BRD4: variants seen among roughly 807,000 people sequenced by gnomAD.
BRD4 encodes bromodomain-containing protein 4.
A neutral mutation model predicts 142.1 loss-of-function variants in BRD4; 16 were observed. The ratio of observed to expected loss-of-function variants is 0.11; its 90% confidence interval spans 0.08 to 0.17. The LOEUF (loss-of-function observed/expected upper bound fraction) is 0.17. Ranked by LOEUF, BRD4 falls within the 10% of genes least tolerant of loss-of-function variation. The pLI is 1.00. For missense variants in BRD4, 1,424 were observed against 1,810.9 expected, an observed-to-expected ratio of 0.79 and a Z score of 3.88; for synonymous variants, 833 against 707.5, an observed-to-expected ratio of 1.18 and a Z score of -2.82.
chr19:15,253,495 A>G, intron 11 of BRD4: 1 of 1,459,848 alleles, frequency 6.9e-7, no homozygotes, highest in Non-Finnish European at 9.3e-7. Context: ...AAAAGAAGGG[A>G]CTGTTAGTTA....
intron 2 of BRD4, among the ~76,000 whole-genome samples, chr19:15,271,917 AGTGGCTCTGGTGTGC>A (rs2047591790): frequency 6.7e-6 from 1 of 149,974 alleles, no homozygotes; most frequent in African/African-American, 2.5e-5. Flanking sequence ...CCTACACACC[AGTGGCTCTGGTGTGC>A]ACACACCAGT....
rs902734020 is a variant in BRD4 at position 15,328,179 on chromosome 19, TCTTTC to T, written c.-35+4106_-35+4110del. ...AAGTCATTATACAAATATCTTTCAG[TCTTTC>T]CTTGTACATAGTAAGGGCTCAAGGA... On this transcript the variant is annotated intron_variant, in intron 1 of 19. Coordinates refer to ENST00000679869, the MANE Select transcript of BRD4 (RefSeq NM_001379291.1). Among the ~76,000 whole-genome samples, 263 of 152,270 alleles carry T rather than the reference TCTTTC, an allele frequency of 1.7e-3. 1 individual carries two copies. Among genetic ancestry groups the T allele is most frequent in the African/African-American group, 5.7e-3 (235 of 41,562 alleles).
At chr19:15,294,047 T>C (rs571981507) in intron 1 of BRD4, among the ~76,000 whole-genome samples, 1 of 152,376 alleles carries the variant, frequency 6.6e-6, no homozygotes, top group South Asian at 2.1e-4. Flanking sequence ...AAGTGTCTTT[T>C]TGTAGGCTAA....
intron 6 of BRD4, 45 bp downstream of exon 6, chr19:15,264,359 A>T: frequency 6.4e-7 from 1 of 1,551,676 alleles, no homozygotes; most frequent in Non-Finnish European, 8.7e-7. Flanking sequence ...ATGTGGAGGG[A>T]CAGCCTGCCC....
chr19:15,273,234 C>A, intron 1 of BRD4, 101 bp from the exon 2 acceptor site: 1 of 1,271,616 alleles, frequency 7.9e-7, no homozygotes, highest in East Asian at 2.4e-5. Flanking sequence ...GACTGAGTTC[C>A]CTGGCGGTAG....
At chr19:15,241,702 C>G (rs982197192) in intron 14 of BRD4, among the ~76,000 whole-genome samples, 6 of 152,076 alleles carry the variant, frequency 3.9e-5, no homozygotes, top group Non-Finnish European at 7.3e-5. Flanking sequence ...CGCATGAGAA[C>G]AGGCACAGCC....
rs142286071 is a variant in BRD4, at chr19:15,266,349, G to C, written c.560-706C>G. On this transcript the variant is annotated intron_variant, in intron 4 of 19. Transcript: ENST00000679869. The stretch of plus-strand genomic sequence containing the variant: ...CCATGAAAATGGACAAAGACACCCA[G>C]TGCCTTCATCTATCAGCTCAAGCAG... Among the ~76,000 whole-genome samples, 945 of 152,298 alleles carry C rather than the reference G, an allele frequency of 6.2e-3. 1 individual carries two copies. Among genetic ancestry groups the C allele is most frequent in the Non-Finnish European group, 8.2e-3 (561 of 68,032 alleles).
chr19:15,294,517 G>A (rs919551273), intron 1 of BRD4, among the ~76,000 whole-genome samples: 1 of 152,272 alleles, frequency 6.6e-6, no homozygotes, highest in Non-Finnish European at 1.5e-5. Flanking sequence ...GTTAGGTGTG[G>A]GAGGATGACA....
chr19:15,289,711 A>C (rs2047767268), intron 1 of BRD4, among the ~76,000 whole-genome samples: 2 of 151,430 alleles, frequency 1.3e-5, no homozygotes, highest in African/African-American at 4.8e-5. Flanking sequence ...TTACTTTTGC[A>C]CCATCCTAAT....
In BRD4 at chr19:15,238,914, C is replaced by T. The variant is rs2047215327; in HGVS notation, c.3849G>A (p.Gln1283=). The T allele has an allele frequency of 6.3e-6, 10 of 1,595,776 alleles. No individual in the cohort carries two copies. The highest frequency in any genetic ancestry group is 8.5e-6 in the Non-Finnish European group (10 of 1,172,962). ...RRAHEEARRR[Q]EQQQQQRQEQ... is the part of the protein sequence containing the mutation. ...CCTGGCGCTGCTGCTGCTGCTGCTC[C>T]TGGCGCCGACGTGCCTCCTCATGGG... The change falls in exon 19 of 20, where the codon CAG becomes CAA. Residue 1283 remains glutamine, a synonymous_variant. Transcript: ENST00000679869. This position sits in a 1 kb window ranked among gnomAD's most constrained non-coding sequence, Gnocchi z 7.2.
chr19:15,267,504 G>A lies in BRD4; in HGVS notation c.471C>T (p.Phe157=), dbSNP rs1411720725. The A allele has an allele frequency of 2.5e-6, 4 of 1,613,892 alleles. No individual in the cohort carries two copies. Among genetic ancestry groups the A allele is most frequent in the Non-Finnish European group, 2.5e-6 (3 of 1,180,016 alleles). The change falls in exon 4 of 20, where the codon TTC becomes TTT. Residue 157 remains phenylalanine (F), a synonymous_variant. Coordinates refer to ENST00000679869, the MANE Select transcript of BRD4 (RefSeq NM_001379291.1). The part of the protein sequence containing the change: ...VLMAEALEKL[F]LQKINELPTE... ...TGGGTAGCTCATTTATTTTTTGCAA[G>A]AAGAGCTTTTCCAGAGCTTCTGCCA...
intron 1 of BRD4, among the ~76,000 whole-genome samples, chr19:15,311,587 TCAAGAC>T (rs952451211): frequency 5.2e-4 from 79 of 151,782 alleles, no homozygotes; most frequent in Admixed American, 1.6e-3. Context: ...GATCAGGAGT[TCAAGAC>T]CAACCTGGCC....
intron 1 of BRD4, among the ~76,000 whole-genome samples, chr19:15,318,034 G>T (rs1392710916): frequency 6.6e-6 from 1 of 152,138 alleles, no homozygotes; most frequent in Non-Finnish European, 1.5e-5. Context: ...TTTTAATGAA[G>T]ATTACAAATG....
chr19:15,308,360 G>A (rs566287744), intron 1 of BRD4, among the ~76,000 whole-genome samples: 81 of 151,596 alleles, frequency 5.3e-4, no homozygotes, highest in African/African-American at 1.8e-3. Context: ...AGGCCCAGGC[G>A]GGTGAATTAC....
At chr19:15,298,890 C>A (rs2047845899) in intron 1 of BRD4, among the ~76,000 whole-genome samples, 1 of 152,086 alleles carries the variant, frequency 6.6e-6, no homozygotes. Context: ...CCCAAGCAGC[C>A]CAGGATAATT....
At chr19:15,300,317 T>C (rs932107527) in intron 1 of BRD4, among the ~76,000 whole-genome samples, 1 of 151,998 alleles carries the variant, frequency 6.6e-6, no homozygotes, top group African/African-American at 2.4e-5. Context: ...ATCCCAGCAC[T>C]TTAGCAGGCC....
chr19:15,257,232 C>T (rs1238966240), intron 7 of BRD4, 59 bp from the exon 8 acceptor site: 39 of 1,474,550 alleles, frequency 2.6e-5, no homozygotes, highest in Non-Finnish European at 3.0e-5. Context: ...GGCCTAGCAT[C>T]ACCTGCCCTC....
At chr19:15,270,684 G>A (rs988596376) in intron 2 of BRD4, among the ~76,000 whole-genome samples, 5 of 152,062 alleles carry the variant, frequency 3.3e-5, no homozygotes, top group African/African-American at 9.7e-5. Context: ...ATCAAAATGC[G>A]GGTGAAGACC....
chr19:15,260,621 T>G (rs1300449235), intron 7 of BRD4, among the ~76,000 whole-genome samples: 1 of 151,980 alleles, frequency 6.6e-6, no homozygotes. Flanking sequence ...CCCCCACCCC[T>G]TGCCTGCACT....
Sources: allele counts gnomAD v4.1 joint callset (sites outside exome capture counted in the v4.1 genomes callset), GRCh38; gene constraint gnomAD v4.1.1; non-coding constraint Gnocchi (gnomAD v3.1); transcripts MANE v1.5; gene names NCBI Gene and HGNC (gene_info 2026-07-23, HGNC 2026-07-21).